The following PHF20L1 variants were observed in gnomAD, a reference collection of about 807,000 sequenced individuals.
PHF20L1 encodes PHD finger protein 20-like protein 1.
In PHF20L1, 44 loss-of-function variants were observed where a neutral mutation model predicts 125.5. The observed-to-expected ratio is 0.35, with a 90% CI of 0.28 to 0.45. The LOEUF (loss-of-function observed/expected upper bound fraction) is 0.45. Among genes scored for constraint, PHF20L1 ranks in the 20% least tolerant of loss-of-function variants. The pLI, the probability that PHF20L1 is intolerant of heterozygous loss-of-function variation, is 1.00. For synonymous variants in PHF20L1, 380 were observed against 403.1 expected, an observed-to-expected ratio of 0.94 and a Z score of 0.69; for missense variants, 1,012 against 1,217.2, an observed-to-expected ratio of 0.83 and a Z score of 2.51.
rs548933606 is a variant in PHF20L1 at position 132,818,449 on chromosome 8, A to G, written c.1579+904A>G. ...ATCCATTTTTTGGATGAAGCATAAA[A>G]TGAAACTTATTCTTTTCTGGTGATG... On this transcript the variant is annotated intron_variant, in intron 12 of 20. Coordinates refer to ENST00000395386, the MANE Select transcript of PHF20L1 (RefSeq NM_016018.5). 4 of 152,062 alleles carry G rather than the reference A, an allele frequency of 2.6e-5. No individual in the cohort carries two copies. In the East Asian group the frequency reaches 5.8e-4, roughly 22 times the overall value. The allele number at this position is 152,062 out of a possible 1,614,324, so 9.4% of individuals were successfully genotyped here. A position where few individuals can be genotyped will look rare whatever the true frequency, so the allele number is the denominator to read the frequency against.
chr8:132,839,750 G>A (rs185385234), intron 18 of PHF20L1, among the ~76,000 whole-genome samples, 168 bp downstream of exon 18: 3 of 152,214 alleles, frequency 2.0e-5, no homozygotes, highest in South Asian at 2.1e-4. Flanking sequence ...TTTTGGATGC[G>A]TTGGTGCTTC....
At position 132,814,624 on chromosome 8, in the gene PHF20L1, ATTAT is replaced by A. The variant is rs754196734; in HGVS notation, c.931-7_931-4del. On this transcript the variant is annotated splice_polypyrimidine_tract_variant and intron_variant, in intron 9 of 20. Transcript: ENST00000395386. ...GCCAAAATAAAAATATCAATTTTTTATTATTTATTCAGGCGATTTCACCTAAACC... is the reference window on the plus strand; with the variant it reads ...GCCAAAATAAAAATATCAATTTTTTATTATTCAGGCGATTTCACCTAAACC... The A allele has an allele frequency of 2.6e-6, 4 of 1,526,460 alleles. No individual in the cohort carries two copies. The highest frequency in any genetic ancestry group is 2.8e-5 in the African/African-American group (2 of 71,240). 94.6% of individuals were successfully genotyped at this position (1,526,460 alleles called of 1,614,324 possible). A position where few individuals can be genotyped will look rare whatever the true frequency, so the allele number is the denominator to read the frequency against.
intron 14 of PHF20L1, among the ~76,000 whole-genome samples, chr8:132,828,534 T>G (rs1836441237): frequency 6.6e-6 from 1 of 152,140 alleles, no homozygotes; most frequent in South Asian, 2.1e-4. Context: ...ATTGGCATAC[T>G]AAGTTCTTGT....
At chr8:132,837,667 C>A (rs781346832) in intron 16 of PHF20L1, 45 bp from the exon 17 acceptor site, 1 of 1,452,054 alleles carries the variant, frequency 6.9e-7, no homozygotes, top group South Asian at 1.1e-5. Context: ...CTAGCTTATT[C>A]CTAGTGAGGA....
chr8:132,846,990 C>T lies in PHF20L1; in HGVS notation c.*1067C>T, dbSNP rs1220420342. 5 of 152,386 alleles carry T rather than the reference C, an allele frequency of 3.3e-5. No homozygotes were observed. In the East Asian group the frequency reaches 9.6e-4, roughly 29 times the overall value. The allele number at this position is 152,386 out of a possible 1,614,324, so 9.4% of individuals were successfully genotyped here. A position where few individuals can be genotyped will look rare whatever the true frequency, so the allele number is the denominator to read the frequency against. ...TATTTTTAAAAAATACATGCACACTCAAAACTTTTAGCTTTGATCACAAGT... is the reference window on the plus strand; with the variant it reads ...TATTTTTAAAAAATACATGCACACTTAAAACTTTTAGCTTTGATCACAAGT... On this transcript the variant is annotated 3_prime_UTR_variant, in exon 21 of 21. Transcript: ENST00000395386.
intron 6 of PHF20L1, among the ~76,000 whole-genome samples, chr8:132,802,130 G>A (rs1312200774): frequency 2.1e-5 from 3 of 139,924 alleles, no homozygotes; most frequent in Middle Eastern, 3.6e-3. Flanking sequence ...TTTGTTGATT[G>A]TTCTCTCTCA....
chr8:132,814,760 T>C lies in PHF20L1; in HGVS notation c.1054T>C (p.Cys352Arg). ...TTCAGGGAAGGCTCGCAGCAAGAAATGCAAACATGAATCTGGAGATTCTTC... is the reference window on the plus strand; with the variant it reads ...TTCAGGGAAGGCTCGCAGCAAGAAACGCAAACATGAATCTGGAGATTCTTC... The part of the protein sequence containing the change: ...LSSGKARSKK[C>R]KHESGDSSGC... The change falls in exon 10 of 21, where the codon TGC becomes CGC. Residue 352 changes from cysteine to arginine, a missense_variant. Cys to Arg is a radical substitution (Grantham distance 180). This residue lies in a region of PHF20L1 where 119 missense variants were observed against 160.2 expected (regional missense o/e 0.74). Transcript: ENST00000395386. The C allele has an allele frequency of 6.2e-7, 1 of 1,613,002 alleles. No individual in the cohort carries two copies. The highest frequency in any genetic ancestry group is 8.5e-7 in the Non-Finnish European group (1 of 1,179,246).
intron 16 of PHF20L1, among the ~76,000 whole-genome samples, chr8:132,837,127 A>G (rs1218652156): frequency 6.6e-6 from 1 of 152,172 alleles, no homozygotes; most frequent in Non-Finnish European, 1.5e-5. Context: ...TCTTAAAGGA[A>G]AAATTTTGTT....
intron 4 of PHF20L1, among the ~76,000 whole-genome samples, chr8:132,797,357 C>G (rs1832519294): frequency 1.3e-5 from 2 of 151,964 alleles, no homozygotes; most frequent in East Asian, 1.9e-4. Context: ...AGGGGCCAGT[C>G]AGTGTGTACT....
intron 2 of PHF20L1, among the ~76,000 whole-genome samples, chr8:132,780,182 A>T (rs1472795544): frequency 2.0e-5 from 3 of 152,172 alleles, no homozygotes; most frequent in African/African-American, 7.2e-5. Flanking sequence ...AGTAGTTTCA[A>T]GAACTAGTTA....
chr8:132,827,636 T>C (rs1399801673), intron 14 of PHF20L1, among the ~76,000 whole-genome samples: 1 of 151,896 alleles, frequency 6.6e-6, no homozygotes, highest in Non-Finnish European at 1.5e-5. Context: ...CAGGAAATTG[T>C]AACTTGAGAG....
At chr8:132,839,355 C>T in intron 17 of PHF20L1, 32 bp from the exon 18 acceptor site, 3 of 1,538,770 alleles carry the variant, frequency 1.9e-6, no homozygotes, top group Non-Finnish European at 2.7e-6. Context: ...TAAGTGCAGT[C>T]CTCTGTGATT....
intron 6 of PHF20L1, 40 bp downstream of exon 6, chr8:132,799,212 T>G: frequency 8.4e-7 from 1 of 1,195,526 alleles, no homozygotes; most frequent in Non-Finnish European, 1.2e-6. Context: ...TTGTTTTTCC[T>G]GGTATATAAT....
At chr8:132,809,346 T>G (rs1449425911) in intron 8 of PHF20L1, 3 of 152,036 alleles carry the variant, frequency 2.0e-5, no homozygotes, top group African/African-American at 7.2e-5. Context: ...TTTGTATTTT[T>G]AGTAGAGATG....
intron 19 of PHF20L1, chr8:132,843,094 A>G: frequency 8.0e-7 from 1 of 1,244,142 alleles, no homozygotes; most frequent in Non-Finnish European, 1.0e-6. Context: ...AATTCAATAA[A>G]CTGTTACTCT....
chr8:132,789,784 G>A (rs1831464423), intron 2 of PHF20L1, among the ~76,000 whole-genome samples: 1 of 152,114 alleles, frequency 6.6e-6, no homozygotes, highest in South Asian at 2.1e-4. Flanking sequence ...GGATATAGCA[G>A]AAATTTTATG....
rs1275013043 is a variant in PHF20L1, at chr8:132,798,756, C to T, written c.341-16C>T. 2.0e-6 allele frequency: 3 copies of T among 1,518,404 alleles called. No homozygotes were observed. In the South Asian group the frequency reaches 3.4e-5, roughly 17 times the overall value. 94.1% of individuals were successfully genotyped at this position (1,518,404 alleles called of 1,614,324 possible). On this transcript the variant is annotated splice_polypyrimidine_tract_variant and intron_variant, in intron 4 of 20. Coordinates refer to ENST00000395386, the MANE Select transcript of PHF20L1 (RefSeq NM_016018.5). ...GAATTATATTTTCTAATGATTCTGACTTGCTCCTGTTTCAGGAACATTTAC... is the reference window on the plus strand; with the variant it reads ...GAATTATATTTTCTAATGATTCTGATTTGCTCCTGTTTCAGGAACATTTAC...
intron 2 of PHF20L1, among the ~76,000 whole-genome samples, chr8:132,793,203 C>T (rs917872541): frequency 3.3e-5 from 5 of 151,660 alleles, no homozygotes; most frequent in African/African-American, 9.7e-5. Flanking sequence ...AGGGCTCGGA[C>T]GGAAAGAATA....
intron 8 of PHF20L1, chr8:132,810,257 T>G (rs1375697202): frequency 7.9e-5 from 12 of 152,296 alleles, no homozygotes; most frequent in African/African-American, 2.9e-4. Flanking sequence ...TTGGCCAGAC[T>G]GGTCTTGAAC....
Sources: gnomAD v4.1 joint callset for allele counts (sites outside exome capture counted in the v4.1 genomes callset) on GRCh38, gnomAD v4.1.1 for gene constraint, gnomAD v4.1.1 regional missense constraint, MANE v1.5 for transcripts, NCBI Gene and HGNC (gene_info 2026-07-23, HGNC 2026-07-21) for gene names.